Variants in NFIX observed in about 807,000 individuals in gnomAD.
NFIX encodes the protein nuclear factor I X, also known as nuclear factor 1 X-type.
Under a neutral mutation model 53.3 loss-of-function variants are expected in NFIX, and 2 were observed. The ratio of observed to expected loss-of-function variants is 0.04; its 90% confidence interval spans 0.02 to 0.12. NFIX has a LOEUF of 0.12. NFIX is among the 10% of genes least tolerant of loss of function. The pLI, the probability that NFIX is intolerant of heterozygous loss-of-function variation, is 1.00. For missense variants in NFIX, 310 were observed against 674.5 expected (o/e 0.46, Z 5.99); for synonymous variants, 244 against 289.0 (o/e 0.84, Z 1.58).
chr19:13,073,581 T>G lies in NFIX; in HGVS notation c.697+85T>G. The G allele has an allele frequency of 1.6e-6, 2 of 1,224,210 alleles. No individual in the cohort carries two copies. Among genetic ancestry groups the G allele is most frequent in the Admixed American group, 1.7e-5 (1 of 58,970 alleles). 75.8% of individuals were successfully genotyped at this position (1,224,210 alleles called of 1,614,324 possible). The stretch of plus-strand genomic sequence containing the variant: ...CATGGGATGTCCTCCTAATGGGGTC[T>G]TAGGGCAGGTGGATGGGAACAGATG... On this transcript the variant is annotated intron_variant, in intron 4 of 10. Transcript: ENST00000592199. The surrounding 1 kb of genome is among the most constrained non-coding windows in gnomAD (Gnocchi z 4.5).
At chr19:13,047,516 A>G (rs1021171806) in intron 2 of NFIX, among the ~76,000 whole-genome samples, 1 of 152,120 alleles carries the variant, frequency 6.6e-6, no homozygotes, top group Non-Finnish European at 1.5e-5. Flanking sequence ...TGACTACACC[A>G]TGCTTGCGAA....
At chr19:12,999,383 C>T (rs750828662) in intron 1 of NFIX, among the ~76,000 whole-genome samples, 33 of 151,856 alleles carry the variant, frequency 2.2e-4, no homozygotes, top group African/African-American at 4.1e-4. Flanking sequence ...CATCTTGGCC[C>T]GGCTGGTCTT....
rs1469560770 is a variant in NFIX at position 13,081,160 on chromosome 19, C to T, written c.1079-520C>T. On this transcript the variant is annotated intron_variant, in intron 7 of 10. Coordinates refer to ENST00000592199, the MANE Select transcript of NFIX (RefSeq NM_001365902.3). This position sits in a 1 kb window ranked among gnomAD's most constrained non-coding sequence, Gnocchi z 4.7. The stretch of plus-strand genomic sequence containing the variant: ...AGAAAAAAAAAAAAGCAAAAATCTA[C>T]CAGGCCTGGTGGCGTGCACCTGTAG... Among the ~76,000 whole-genome samples, 1 of 151,530 alleles carries T rather than the reference C, an allele frequency of 6.6e-6. No individual in the cohort carries two copies. The highest frequency in any genetic ancestry group is 6.6e-5 in the Admixed American group (1 of 15,226).
In NFIX at chr19:13,012,785, G is replaced by A. The variant is rs1387966017; in HGVS notation, c.28-12236G>A. ...CCAAATCCGAGGACAGCTTGGGGGC[G>A]TCCCTTCGGAGAGGATCTCTCCGCG... On this transcript the variant is annotated intron_variant, in intron 1 of 10. Transcript: ENST00000592199. The surrounding 1 kb of genome is among the most constrained non-coding windows in gnomAD (Gnocchi z 5.0). Among the ~76,000 whole-genome samples the A allele has an allele frequency of 6.6e-6, 1 of 152,180 alleles. No homozygotes were observed. The highest frequency in any genetic ancestry group is 1.5e-5 in the Non-Finnish European group (1 of 68,032).
In NFIX at chr19:13,066,815, G is replaced by A. The variant is rs902760430; in HGVS notation, c.560-6232G>A. Among the ~76,000 whole-genome samples the A allele has an allele frequency of 1.3e-5, 2 of 152,130 alleles. No homozygotes were observed. The highest frequency in any genetic ancestry group is 4.8e-5 in the African/African-American group (2 of 41,422). ...GCAGGGTGAGGAATGGAGAGAAGGA[G>A]AGGAAGATCCTAGAAGCCCCGTGGG... On this transcript the variant is annotated intron_variant, in intron 2 of 10. Coordinates refer to ENST00000592199, the MANE Select transcript of NFIX (RefSeq NM_001365902.3). The surrounding 1 kb of genome is among the most constrained non-coding windows in gnomAD (Gnocchi z 4.2).
chr19:13,069,541 C>T (rs542082476), intron 2 of NFIX, among the ~76,000 whole-genome samples: 3 of 152,312 alleles, frequency 2.0e-5, no homozygotes, highest in African/African-American at 4.8e-5. Context: ...CACTCATGTA[C>T]GCCTGCCTGG....
At chr19:13,080,414 C>T (rs1211398197) in intron 7 of NFIX, among the ~76,000 whole-genome samples, 2 of 152,126 alleles carry the variant, frequency 1.3e-5, no homozygotes, top group African/African-American at 2.4e-5. Context: ...GTTGTAGAGA[C>T]GGGGTCTTGT....
chr19:13,001,085 C>T lies in NFIX; in HGVS notation c.27+5221C>T, dbSNP rs1599700557. On this transcript the variant is annotated intron_variant, in intron 1 of 10. Coordinates refer to ENST00000592199, the MANE Select transcript of NFIX (RefSeq NM_001365902.3). The surrounding 1 kb of genome is among the most constrained non-coding windows in gnomAD (Gnocchi z 6.5). The stretch of plus-strand genomic sequence containing the variant: ...GCTGAGAATGGGCCTTCTGTCCCCT[C>T]CCTCCCAGCTGGGGTGGGGAAAAGG... Among the ~76,000 whole-genome samples, 1 of 152,170 alleles carries T rather than the reference C, an allele frequency of 6.6e-6. No individual in the cohort carries two copies. The highest frequency in any genetic ancestry group is 1.5e-5 in the Non-Finnish European group (1 of 68,038).
In NFIX at chr19:13,073,487, G is replaced by A. The variant is rs2016890979; in HGVS notation, c.688G>A (p.Val230Ile). Residue 230 changes from valine to isoleucine, a missense_variant, in exon 4 of 11, where the codon GTA (valine) becomes ATA (isoleucine). Coordinates refer to ENST00000592199, the MANE Select transcript of NFIX (RefSeq NM_001365902.3). This position sits in a 1 kb window ranked among gnomAD's most constrained non-coding sequence, Gnocchi z 4.5. ...CTGGAATGTGACGGAGCTGGTGAGA[G>A]TATCACAGAGTAAGTGAGTCCTTCC... is the stretch of plus-strand genomic sequence containing the variant. ...GVWNVTELVR[V>I]SQTPVATASG... The A allele has an allele frequency of 4.3e-6, 7 of 1,613,860 alleles. No individual in the cohort carries two copies. Among genetic ancestry groups the A allele is most frequent in the South Asian group, 1.1e-5 (1 of 91,086 alleles).
At chr19:13,041,793 C>CAAAAA (rs755429201) in intron 2 of NFIX, among the ~76,000 whole-genome samples, 4,103 of 103,032 alleles carry the variant, frequency 0.04, 71 homozygotes, top group Middle Eastern at 0.09. Context: ...GACTCCGTCT[C>CAAAAA]AAAAAAAAAA....
chr19:12,998,303 C>G lies in NFIX; in HGVS notation c.27+2439C>G, dbSNP rs1230135061. Among the ~76,000 whole-genome samples the G allele has an allele frequency of 2.0e-5, 3 of 152,046 alleles. No homozygotes were observed. Among genetic ancestry groups the G allele is most frequent in the Non-Finnish European group, 2.9e-5 (2 of 68,002 alleles). ...TCGGACTCTCTCTCTCTCTGTCTCT[C>G]TGGCCTGCCTCTCTCTCTTTCCCTC... On this transcript the variant is annotated intron_variant, in intron 1 of 10. Transcript: ENST00000592199. The surrounding 1 kb of genome is among the most constrained non-coding windows in gnomAD (Gnocchi z 4.4).
At chr19:13,047,842 C>A (rs1329207872) in intron 2 of NFIX, among the ~76,000 whole-genome samples, 1 of 152,206 alleles carries the variant, frequency 6.6e-6, no homozygotes, top group Non-Finnish European at 1.5e-5. Flanking sequence ...AGGCCCCTCT[C>A]TTTGTCCCAT....
chr19:13,074,305 A>T lies in NFIX; in HGVS notation c.818+279A>T, dbSNP rs1000108592. ...GTCCAAGAAGGTCTCTGTCTTGGGGAGGTGACATTTGAGCCCAGACACAGA... is the reference window on the plus strand; with the variant it reads ...GTCCAAGAAGGTCTCTGTCTTGGGGTGGTGACATTTGAGCCCAGACACAGA... On this transcript the variant is annotated intron_variant, in intron 5 of 10. Coordinates refer to ENST00000592199, the MANE Select transcript of NFIX (RefSeq NM_001365902.3). 9.9e-5 allele frequency among the ~76,000 whole-genome samples: 15 copies of T among 152,030 alleles called. No homozygotes were observed. In the South Asian group the frequency reaches 2.9e-3, roughly 30 times the overall value.
At chr19:13,034,238 T>G (rs2006711965) in intron 2 of NFIX, among the ~76,000 whole-genome samples, 1 of 152,194 alleles carries the variant, frequency 6.6e-6, no homozygotes, top group African/African-American at 2.4e-5. Flanking sequence ...AGCTTGCGGC[T>G]CAGCTCAAGG....
In NFIX at chr19:13,060,715, A is replaced by T. The variant is rs929769696; in HGVS notation, c.560-12332A>T. Among the ~76,000 whole-genome samples the T allele has an allele frequency of 2.0e-5, 3 of 151,976 alleles. No homozygotes were observed. Among genetic ancestry groups the T allele is most frequent in the African/African-American group, 7.2e-5 (3 of 41,396 alleles). ...CGGGGCCAGGGAAGCAACCAGGCCC[A>T]GTCTGGGGCCCTGTGAAGCGATCTG... On this transcript the variant is annotated intron_variant, in intron 2 of 10. Transcript: ENST00000592199. This position sits in a 1 kb window ranked among gnomAD's most constrained non-coding sequence, Gnocchi z 4.3.
rs967223676 is a variant in NFIX, at chr19:13,075,759, A to G, written c.955+88A>G. The G allele has an allele frequency of 3.2e-5, 47 of 1,482,770 alleles. No individual in the cohort carries two copies. The African/African-American group carries it at 5.5e-4, about 17-fold the overall frequency. 91.9% of individuals were successfully genotyped at this position (1,482,770 alleles called of 1,614,324 possible). On this transcript the variant is annotated intron_variant, in intron 6 of 10. Coordinates refer to ENST00000592199, the MANE Select transcript of NFIX (RefSeq NM_001365902.3). ...CAGTTCACCTGGTGAGCCTCCCACC[A>G]GTTGTCCCCCTGTCGGGGGGCATTA...
chr19:13,052,916 C>T lies in NFIX; in HGVS notation c.560-20131C>T, dbSNP rs934063457. 6.6e-6 allele frequency among the ~76,000 whole-genome samples: 1 copy of T among 152,214 alleles called. No individual in the cohort carries two copies. Among genetic ancestry groups the T allele is most frequent in the African/African-American group, 2.4e-5 (1 of 41,450 alleles). ...TCCCATGTTCCCTTCGTCCTGTTCA[C>T]AGGGAGGTGGAAATCCAGACAGAAA... On this transcript the variant is annotated intron_variant, in intron 2 of 10. Coordinates refer to ENST00000592199, the MANE Select transcript of NFIX (RefSeq NM_001365902.3). The surrounding 1 kb of genome is among the most constrained non-coding windows in gnomAD (Gnocchi z 5.2).
At chr19:13,070,850 C>T (rs896390646) in intron 2 of NFIX, 1 of 152,348 alleles carries the variant, frequency 6.6e-6, no homozygotes, top group African/African-American at 2.4e-5. Flanking sequence ...CTCCTGGAGC[C>T]CTATTTGTCT....
At chr19:13,063,274 G>A (rs559372048) in intron 2 of NFIX, among the ~76,000 whole-genome samples, 2 of 152,096 alleles carry the variant, frequency 1.3e-5, no homozygotes, top group African/African-American at 2.4e-5. Context: ...TTCCTTCTCT[G>A]AGCCTTCTCC....
Sources: allele counts gnomAD v4.1 joint callset (sites outside exome capture counted in the v4.1 genomes callset), GRCh38; gene constraint gnomAD v4.1.1; non-coding constraint Gnocchi (gnomAD v3.1); transcripts MANE v1.5; gene names NCBI Gene and HGNC (gene_info 2026-07-23, HGNC 2026-07-21).